The following CCDC178 variants were observed in gnomAD, a reference collection of about 807,000 sequenced individuals.
CCDC178 encodes the protein coiled-coil domain containing 178, also known as coiled-coil domain-containing protein 178.
In CCDC178, 126 loss-of-function variants were observed where a neutral mutation model predicts 117.4. The observed-to-expected ratio is 1.07, with a 90% CI of 0.93 to 1.24. The LOEUF (loss-of-function observed/expected upper bound fraction) is 1.24, where lower values mean the gene tolerates loss of function less well. CCDC178 is among the 50% of genes most tolerant of loss of function. CCDC178 has a pLI of 0.00. For missense variants in CCDC178, 1,030 were observed against 986.9 expected, an observed-to-expected ratio of 1.04 and a Z score of -0.59; for synonymous variants, 283 against 313.4, an observed-to-expected ratio of 0.90 and a Z score of 1.02.
intron 20 of CCDC178, among the ~76,000 whole-genome samples, chr18:33,108,318 ATAAG>A (rs2057735813): frequency 6.6e-6 from 1 of 151,660 alleles, no homozygotes; most frequent in Non-Finnish European, 1.5e-5. Flanking sequence ...TAAAATTTAA[ATAAG>A]TATCTTAATT....
At chr18:33,258,800 C>T (rs2059709479) in intron 14 of CCDC178, among the ~76,000 whole-genome samples, 1 of 152,048 alleles carries the variant, frequency 6.6e-6, no homozygotes, top group Non-Finnish European at 1.5e-5. Context: ...TATTAAATTG[C>T]TGTTTGAAAA....
intron 21 of CCDC178, among the ~76,000 whole-genome samples, chr18:33,014,315 G>A (rs7228503): frequency 3.9e-5 from 6 of 152,112 alleles, no homozygotes; most frequent in Admixed American, 6.5e-5. Flanking sequence ...GTAAACAAGC[G>A]CATGCTTAGA....
intron 20 of CCDC178, among the ~76,000 whole-genome samples, chr18:33,140,679 T>C (rs978398974): frequency 6.6e-6 from 1 of 152,188 alleles, no homozygotes; most frequent in Non-Finnish European, 1.5e-5. Context: ...TACAGGCTTA[T>C]AGAAGGAAGG....
At chr18:33,269,719 A>G (rs2059863448) in intron 12 of CCDC178, among the ~76,000 whole-genome samples, 1 of 151,854 alleles carries the variant, frequency 6.6e-6, no homozygotes, top group Non-Finnish European at 1.5e-5. Context: ...ACAAAACAAA[A>G]CAACAAAGAT....
intron 20 of CCDC178, among the ~76,000 whole-genome samples, chr18:33,122,415 G>A (rs769872324): frequency 1.3e-5 from 2 of 151,988 alleles, no homozygotes; most frequent in African/African-American, 4.8e-5. Flanking sequence ...TGAAATTATT[G>A]GTGCAGAATT....
intron 11 of CCDC178, among the ~76,000 whole-genome samples, chr18:33,295,796 G>A (rs959640353): frequency 6.6e-6 from 1 of 152,080 alleles, no homozygotes; most frequent in Non-Finnish European, 1.5e-5. Flanking sequence ...GTGTTCTCTT[G>A]TAGAGAAACT....
At chr18:33,126,829 T>C (rs1010105618) in intron 20 of CCDC178, among the ~76,000 whole-genome samples, 1 of 151,902 alleles carries the variant, frequency 6.6e-6, no homozygotes, top group African/African-American at 2.4e-5. Context: ...ACTAATTTTT[T>C]GTATTTTTAG....
chr18:33,423,003 T>C (rs1446009122), intron 2 of CCDC178, among the ~76,000 whole-genome samples: 1 of 152,228 alleles, frequency 6.6e-6, no homozygotes, highest in Non-Finnish European at 1.5e-5. Context: ...CTAATTTTGT[T>C]TGCTTCTTCA....
At chr18:33,196,203 G>A (rs568015997) in intron 20 of CCDC178, among the ~76,000 whole-genome samples, 3 of 152,184 alleles carry the variant, frequency 2.0e-5, no homozygotes, top group Admixed American at 1.3e-4. Context: ...CTGACCTCCA[G>A]GAGGGGCTGG....
intron 20 of CCDC178, among the ~76,000 whole-genome samples, chr18:33,193,862 T>G (rs1206375185): frequency 6.6e-6 from 1 of 152,204 alleles, no homozygotes; most frequent in African/African-American, 2.4e-5. Context: ...AACAGAAATT[T>G]ATTTTCTCAT....
chr18:33,276,555 C>T (rs1236087399), intron 12 of CCDC178, among the ~76,000 whole-genome samples: 1 of 152,028 alleles, frequency 6.6e-6, no homozygotes, highest in East Asian at 1.9e-4. Context: ...ATAGCAAAAA[C>T]CATGAAGAAT....
intron 20 of CCDC178, among the ~76,000 whole-genome samples, chr18:33,193,264 C>CAAAAAAAAAAAAAAAAAAAAAAA (rs59092607): frequency 1.3e-5 from 1 of 77,152 alleles, no homozygotes. Flanking sequence ...CTCCGTCTCA[C>CAAAAAAAAAAAAAAAAAAAAAAA]AAAAAAAAAA....
At chr18:33,155,854 G>A (rs1042564525) in intron 20 of CCDC178, among the ~76,000 whole-genome samples, 2 of 151,974 alleles carry the variant, frequency 1.3e-5, no homozygotes, top group Admixed American at 6.6e-5. Context: ...ACATTACTGG[G>A]GGTATTTCAT....
At chr18:32,991,437 G>A (rs138619223) in intron 21 of CCDC178, among the ~76,000 whole-genome samples, 23 of 152,286 alleles carry the variant, frequency 1.5e-4, no homozygotes, top group African/African-American at 5.5e-4. Context: ...ATTATGAACT[G>A]TGATTTGAGC....
At chr18:33,367,453 T>C (rs1224545632) in intron 6 of CCDC178, among the ~76,000 whole-genome samples, 3 of 152,070 alleles carry the variant, frequency 2.0e-5, no homozygotes, top group Non-Finnish European at 4.4e-5. Flanking sequence ...AAGAGTTCTT[T>C]CCAGTTGTGC....
chr18:33,054,176 T>G (rs1365535164), intron 21 of CCDC178, among the ~76,000 whole-genome samples: 3 of 152,218 alleles, frequency 2.0e-5, no homozygotes, highest in Non-Finnish European at 4.4e-5. Flanking sequence ...ATGAATCCTC[T>G]TGAACTGAGT....
chr18:33,358,448 T>C (rs553591444), intron 6 of CCDC178, among the ~76,000 whole-genome samples: 3 of 151,962 alleles, frequency 2.0e-5, no homozygotes, highest in African/African-American at 4.8e-5. Context: ...GGAGGTAAAA[T>C]TGACTAGTGG....
chr18:33,361,263 G>A (rs2063123802), intron 6 of CCDC178, among the ~76,000 whole-genome samples: 1 of 151,696 alleles, frequency 6.6e-6, no homozygotes, highest in African/African-American at 2.4e-5. Flanking sequence ...TTCAATAAAT[G>A]ATGCAGGGAA....
intron 5 of CCDC178, among the ~76,000 whole-genome samples, chr18:33,373,877 C>A (rs1047430095): frequency 6.6e-6 from 1 of 152,162 alleles, no homozygotes; most frequent in Non-Finnish European, 1.5e-5. Flanking sequence ...CAACTACCAT[C>A]CATGAAGGAG....
Sources: gnomAD v4.1 joint callset for allele counts (sites outside exome capture counted in the v4.1 genomes callset) on GRCh38, gnomAD v4.1.1 for gene constraint, MANE v1.5 for transcripts, NCBI Gene and HGNC (gene_info 2026-07-23, HGNC 2026-07-21) for gene names.